The following SLC10A7 variants were observed in gnomAD, a reference collection of about 807,000 sequenced individuals.
SLC10A7 encodes the protein solute carrier family 10 member 7, also known as sodium/bile acid cotransporter 7.
Under a neutral mutation model 43.2 loss-of-function variants are expected in SLC10A7, and 29 were observed. The ratio of observed to expected loss-of-function variants is 0.67; its 90% CI spans 0.50 to 0.92. The LOEUF is 0.92. SLC10A7 is among the 40% of genes least tolerant of loss of function. The probability of loss-of-function intolerance (pLI) is 0.00; values close to 1 mark genes in which losing one functional copy is unlikely to be tolerated. For missense variants in SLC10A7, 295 were observed against 403.2 expected, an observed-to-expected ratio of 0.73 and a Z score of 2.30; for synonymous variants, 152 against 144.8, an observed-to-expected ratio of 1.05 and a Z score of -0.35.
intron 6 of SLC10A7, among the ~76,000 whole-genome samples, chr4:146,318,977 T>A (rs1560793400): frequency 6.6e-6 from 1 of 152,066 alleles, no homozygotes; most frequent in Non-Finnish European, 1.5e-5. Flanking sequence ...TGCCATAATA[T>A]CATTAGCTTT....
chr4:146,255,554 G>A lies in SLC10A7; in HGVS notation c.*937C>T, dbSNP rs534529876. ...GCTTAATTCCAGGATGTAACAGGCT[G>A]CTTTTGGCCAACAGGGGCAATCTGG... is the stretch of plus-strand genomic sequence containing the variant. On this transcript the variant is annotated 3_prime_UTR_variant, in exon 12 of 12. Transcript: ENST00000335472. The A allele has an allele frequency of 6.6e-6, 1 of 152,564 alleles. No homozygotes were observed. The highest frequency in any genetic ancestry group is 2.4e-5 in the African/African-American group (1 of 41,566). The allele number at this position is 152,564 out of a possible 1,614,324, so 9.5% of individuals were successfully genotyped here. A position where few individuals can be genotyped will look rare whatever the true frequency, so the allele number is the denominator to read the frequency against.
chr4:146,492,628 C>A, intron 4 of SLC10A7, among the ~76,000 whole-genome samples: 1 of 152,148 alleles, frequency 6.6e-6, no homozygotes, highest in Non-Finnish European at 1.5e-5. Context: ...CCTCGGCCTC[C>A]CAAAGTGCTG....
intron 10 of SLC10A7, among the ~76,000 whole-genome samples, chr4:146,262,550 C>A (rs899416771): frequency 2.0e-5 from 3 of 152,214 alleles, no homozygotes; most frequent in African/African-American, 7.2e-5. Context: ...GACTATGTAA[C>A]GCACCACTCT....
At position 146,310,096 on chromosome 4, in the gene SLC10A7, A is replaced by C. The variant is rs144283591; in HGVS notation, c.472-4087T>G. Among the ~76,000 whole-genome samples the C allele has an allele frequency of 4.2e-3, 640 of 152,142 alleles. 9 individuals are homozygous for C. The highest frequency in any genetic ancestry group is 0.02 in the East Asian group (102 of 5,160). ...TATTTTGTTTTCAGTTCCTGTGTTA[A>C]TTTGTTAGGATAATGGCTTCTGGCT... On this transcript the variant is annotated intron_variant, in intron 6 of 11. Coordinates refer to ENST00000335472, the MANE Select transcript of SLC10A7 (RefSeq NM_001029998.6).
chr4:146,404,158 G>A (rs543512756), intron 5 of SLC10A7, among the ~76,000 whole-genome samples: 5 of 152,126 alleles, frequency 3.3e-5, no homozygotes, highest in Admixed American at 2.0e-4. Context: ...CTGGGGTGAC[G>A]AGAGCACCAC....
intron 6 of SLC10A7, among the ~76,000 whole-genome samples, chr4:146,316,515 C>G (rs188928401): frequency 4.6e-5 from 7 of 152,064 alleles, no homozygotes; most frequent in African/African-American, 1.7e-4. Flanking sequence ...GAAAGCAGGC[C>G]TTTACCAGAC....
intron 2 of SLC10A7, among the ~76,000 whole-genome samples, chr4:146,513,525 T>C (rs1737668074): frequency 6.6e-6 from 1 of 152,180 alleles, no homozygotes; most frequent in Non-Finnish European, 1.5e-5. Flanking sequence ...AAACAAGTTA[T>C]AAAAACTAAA....
At chr4:146,287,296 C>G (rs1404724648) in intron 9 of SLC10A7, among the ~76,000 whole-genome samples, 1 of 152,090 alleles carries the variant, frequency 6.6e-6, no homozygotes, top group Non-Finnish European at 1.5e-5. Context: ...GGATATTTGA[C>G]TATGATTATA....
intron 9 of SLC10A7, among the ~76,000 whole-genome samples, chr4:146,286,098 A>G (rs1306165771): frequency 5.2e-5 from 7 of 135,876 alleles, no homozygotes; most frequent in African/African-American, 8.6e-5. Context: ...AGTGGTGAGA[A>G]GGACTGAGTT....
intron 5 of SLC10A7, among the ~76,000 whole-genome samples, chr4:146,369,810 C>T (rs1736640827): frequency 6.6e-6 from 1 of 152,042 alleles, no homozygotes; most frequent in Non-Finnish European, 1.5e-5. Context: ...TCAAATGATA[C>T]TATAAGCATA....
intron 2 of SLC10A7, among the ~76,000 whole-genome samples, chr4:146,512,292 G>C (rs1016780669): frequency 4.6e-5 from 7 of 151,994 alleles, no homozygotes; most frequent in African/African-American, 1.7e-4. Context: ...CTTCTGACAG[G>C]AATAAAAAAT....
intron 1 of SLC10A7, among the ~76,000 whole-genome samples, chr4:146,519,019 C>G (rs1738291360): frequency 7.2e-6 from 1 of 139,212 alleles, no homozygotes. Context: ...CTGAAACCCT[C>G]CACTTGTTCG....
At chr4:146,348,394 C>T (rs572268247) in intron 5 of SLC10A7, among the ~76,000 whole-genome samples, 5 of 152,308 alleles carry the variant, frequency 3.3e-5, no homozygotes, top group African/African-American at 1.2e-4. Context: ...CACATTGCTA[C>T]AGAAATTTAG....
rs369056739 is a variant in SLC10A7, at chr4:146,292,972, T to C, written c.730A>G (p.Ile244Val). 5 of 1,582,866 alleles carry C rather than the reference T, an allele frequency of 3.2e-6. No homozygotes were observed. Among genetic ancestry groups the C allele is most frequent in the Non-Finnish European group, 4.3e-6 (5 of 1,156,272 alleles). The change falls in exon 9 of 12, where the codon ATC (isoleucine) becomes GTC (valine). Residue 244 changes from isoleucine (I) to valine (V), a missense_variant. Ile to Val is a conservative substitution (Grantham distance 29). Coordinates refer to ENST00000335472, the MANE Select transcript of SLC10A7 (RefSeq NM_001029998.6). ...GTTAAAAGCATAAAACTCAGCTGGA[T>C]AGAAAATACTGAAGAAAAAAAGATT... ...LVLILFIIFS[I>V]QLSFMLLTFI...
chr4:146,357,367 A>G (rs1382909882), intron 5 of SLC10A7, among the ~76,000 whole-genome samples: 1 of 152,160 alleles, frequency 6.6e-6, no homozygotes, highest in Non-Finnish European at 1.5e-5. Flanking sequence ...ATATTTCCCA[A>G]TCTTCATTTT....
intron 5 of SLC10A7, among the ~76,000 whole-genome samples, chr4:146,422,426 C>A (rs555939468): frequency 2.1e-4 from 32 of 151,996 alleles, no homozygotes; most frequent in Non-Finnish European, 4.4e-4. Context: ...CAAATTAAGT[C>A]TTTACTTATT....
chr4:146,340,912 C>T (rs1406928726), intron 5 of SLC10A7, among the ~76,000 whole-genome samples: 1 of 151,708 alleles, frequency 6.6e-6, no homozygotes, highest in Non-Finnish European at 1.5e-5. Flanking sequence ...TTACCTAAGT[C>T]TTTAAGGAAA....
chr4:146,430,273 T>C (rs574285150), intron 5 of SLC10A7, among the ~76,000 whole-genome samples: 17 of 152,102 alleles, frequency 1.1e-4, no homozygotes, highest in African/African-American at 3.6e-4. Context: ...AATTAGATAG[T>C]GGGTAATTAA....
chr4:146,337,258 G>C (rs1036525358), intron 5 of SLC10A7, among the ~76,000 whole-genome samples: 2 of 152,054 alleles, frequency 1.3e-5, no homozygotes, highest in African/African-American at 2.4e-5. Flanking sequence ...TTGAAGACTA[G>C]AGTATAAAGA....
Sources: allele counts gnomAD v4.1 joint callset (sites outside exome capture counted in the v4.1 genomes callset), GRCh38; gene constraint gnomAD v4.1.1; transcripts MANE v1.5; gene names NCBI Gene and HGNC (gene_info 2026-07-23, HGNC 2026-07-21).